SPOCK1: variants seen among roughly 807,000 people sequenced by gnomAD.
SPOCK1 encodes the protein testican-1.
SPOCK1 carries 23 observed loss-of-function variants against 55.3 expected under a neutral mutation model. That is an observed-to-expected ratio of 0.42 (90% CI 0.30 to 0.59). The LOEUF (loss-of-function observed/expected upper bound fraction) is 0.59. Among genes scored for constraint, SPOCK1 ranks in the 20% least tolerant of loss-of-function variants. SPOCK1 has a pLI of 0.22. For synonymous variants in SPOCK1, 226 were observed against 221.0 expected, an observed-to-expected ratio of 1.02 and a Z score of -0.20; for missense variants, 499 against 552.5, an observed-to-expected ratio of 0.90 and a Z score of 0.97.
chr5:137,415,036 C>A (rs560124800), intron 2 of SPOCK1, among the ~76,000 whole-genome samples: 25 of 152,128 alleles, frequency 1.6e-4, no homozygotes, highest in Non-Finnish European at 3.4e-4. Context: ...GGAACTAGCA[C>A]AGTTACAAGT....
chr5:137,138,201 C>A (rs1754025056), intron 4 of SPOCK1, among the ~76,000 whole-genome samples: 1 of 152,204 alleles, frequency 6.6e-6, no homozygotes, highest in Non-Finnish European at 1.5e-5. Context: ...CCAGATGGGT[C>A]TCCTTCCCAA....
At chr5:137,059,405 A>T (rs1211320545) in intron 6 of SPOCK1, among the ~76,000 whole-genome samples, 2 of 152,268 alleles carry the variant, frequency 1.3e-5, no homozygotes, top group African/African-American at 4.8e-5. Context: ...ATGCATATAG[A>T]AATAATTGAA....
intron 2 of SPOCK1, among the ~76,000 whole-genome samples, chr5:137,420,227 T>C (rs1283416249): frequency 6.6e-6 from 1 of 152,232 alleles, no homozygotes; most frequent in Non-Finnish European, 1.5e-5. Flanking sequence ...TTTGCATCAA[T>C]GTTCATCAGG....
At chr5:137,151,420 T>C (rs1754317133) in intron 3 of SPOCK1, among the ~76,000 whole-genome samples, 1 of 152,182 alleles carries the variant, frequency 6.6e-6, no homozygotes, top group Non-Finnish European at 1.5e-5. Flanking sequence ...AACCTCAAAA[T>C]AGGTATTTGC....
At chr5:137,329,792 A>G (rs1028277355) in intron 2 of SPOCK1, among the ~76,000 whole-genome samples, 1 of 152,180 alleles carries the variant, frequency 6.6e-6, no homozygotes, top group African/African-American at 2.4e-5. Flanking sequence ...AGCCATCTGC[A>G]TGGCTCACTC....
chr5:137,261,365 G>GGGCTGGTGGTTCCAGAAACAC (rs1756739454), intron 3 of SPOCK1, among the ~76,000 whole-genome samples: 2 of 152,118 alleles, frequency 1.3e-5, no homozygotes, highest in South Asian at 4.1e-4. Context: ...ATAATCCACT[G>GGGCTGGTGGTTCCAGAAACAC]GGCTGGTGGT....
intron 4 of SPOCK1, among the ~76,000 whole-genome samples, chr5:137,132,662 T>A (rs1753907580): frequency 6.6e-6 from 1 of 152,178 alleles, no homozygotes; most frequent in Non-Finnish European, 1.5e-5. Context: ...CATGTGCACA[T>A]CCTGGGAATT....
chr5:137,490,935 A>G (rs2149845273), intron 2 of SPOCK1, among the ~76,000 whole-genome samples: 1 of 152,312 alleles, frequency 6.6e-6, no homozygotes, highest in Admixed American at 6.5e-5. Flanking sequence ...CATGTTTCTA[A>G]GAGACAGAAA....
intron 2 of SPOCK1, among the ~76,000 whole-genome samples, chr5:137,485,731 CA>C (rs895003226): frequency 8.6e-5 from 13 of 150,796 alleles, no homozygotes; most frequent in East Asian, 3.9e-4. Flanking sequence ...AACACACACA[CA>C]AAAAAAAGTA....
chr5:137,173,124 C>G (rs949473893), intron 3 of SPOCK1, among the ~76,000 whole-genome samples: 9 of 152,046 alleles, frequency 5.9e-5, no homozygotes, highest in Non-Finnish European at 1.5e-5. Context: ...GTGAAGGTAC[C>G]AGATATTTCT....
chr5:137,126,434 T>G (rs1218933037), intron 4 of SPOCK1, among the ~76,000 whole-genome samples: 5 of 152,238 alleles, frequency 3.3e-5, no homozygotes, highest in Admixed American at 6.5e-5. Flanking sequence ...GCCATTCTGA[T>G]GAGGACTCAG....
chr5:137,202,965 A>G (rs1370361965), intron 3 of SPOCK1, among the ~76,000 whole-genome samples: 2 of 152,218 alleles, frequency 1.3e-5, no homozygotes. Flanking sequence ...AAATCAAAGC[A>G]CTCGACTAAT....
intron 2 of SPOCK1, among the ~76,000 whole-genome samples, chr5:137,467,991 C>T (rs1312210516): frequency 6.6e-6 from 1 of 152,162 alleles, no homozygotes; most frequent in Admixed American, 6.5e-5. Flanking sequence ...GGTTTCAACC[C>T]TCCACACTTT....
intron 3 of SPOCK1, among the ~76,000 whole-genome samples, chr5:137,242,621 C>T (rs1337438653): frequency 1.3e-5 from 2 of 152,210 alleles, no homozygotes; most frequent in Non-Finnish European, 1.5e-5. Context: ...GCCTGTAGTC[C>T]CAGCTACACA....
chr5:137,225,861 C>T (rs996278906), intron 3 of SPOCK1, among the ~76,000 whole-genome samples: 1 of 152,194 alleles, frequency 6.6e-6, no homozygotes, highest in Non-Finnish European at 1.5e-5. Flanking sequence ...TATGTGGAAA[C>T]AAAAGCCTTT....
intron 5 of SPOCK1, among the ~76,000 whole-genome samples, chr5:137,101,204 A>C (rs1293008427): frequency 1.3e-5 from 2 of 152,194 alleles, no homozygotes; most frequent in African/African-American, 4.8e-5. Flanking sequence ...AACTTCATTA[A>C]AGTTGTTTGC....
intron 2 of SPOCK1, among the ~76,000 whole-genome samples, chr5:137,431,583 G>T (rs988775891): frequency 1.3e-5 from 2 of 152,218 alleles, no homozygotes; most frequent in Non-Finnish European, 1.5e-5. Flanking sequence ...GGTCATGAGG[G>T]TCTCACCCTG....
At chr5:137,212,040 A>G (rs981080) in intron 3 of SPOCK1, among the ~76,000 whole-genome samples, 21,097 of 152,268 alleles carry the variant, frequency 0.14, 1,533 homozygotes, top group East Asian at 0.22. Flanking sequence ...GGGAACCCCA[A>G]TTTATAGCCA....
intron 2 of SPOCK1, among the ~76,000 whole-genome samples, chr5:137,482,329 T>C (rs914595000): frequency 6.6e-6 from 1 of 152,200 alleles, no homozygotes; most frequent in African/African-American, 2.4e-5. Flanking sequence ...CACAGATGAC[T>C]TGAACCAGAA....
Sources: gnomAD v4.1 joint callset for allele counts (sites outside exome capture counted in the v4.1 genomes callset) on GRCh38, gnomAD v4.1.1 for gene constraint, MANE v1.5 for transcripts, NCBI Gene and HGNC (gene_info 2026-07-23, HGNC 2026-07-21) for gene names.